Variants in SWT1 observed in about 807,000 individuals in gnomAD.
The protein encoded by SWT1 is transcriptional protein SWT1.
In SWT1, 33 loss-of-function variants were observed where a neutral mutation model predicts 107.3. That is an observed-to-expected ratio of 0.31 (90% confidence interval 0.23 to 0.41). The LOEUF (loss-of-function observed/expected upper bound fraction) is 0.41. Among genes scored for constraint, SWT1 ranks in the 10% least tolerant of loss-of-function variants. The pLI is 1.00. For synonymous variants in SWT1, 345 were observed against 348.3 expected, an observed-to-expected ratio of 0.99 and a Z score of 0.11; for missense variants, 898 against 1,028.9, an observed-to-expected ratio of 0.87 and a Z score of 1.74.
At chr1:185,196,382 A>G (rs1398521212) in intron 10 of SWT1, among the ~76,000 whole-genome samples, 5 of 152,040 alleles carry the variant, frequency 3.3e-5, no homozygotes, top group Non-Finnish European at 7.4e-5. Context: ...TGTTTTTGTT[A>G]CTGTGGCCTT....
chr1:185,240,237 C>CA (rs1001775117), intron 16 of SWT1, among the ~76,000 whole-genome samples: 1 of 151,510 alleles, frequency 6.6e-6, no homozygotes, highest in Non-Finnish European at 1.5e-5. Flanking sequence ...TTTTAAAAAA[C>CA]AAAAAAAGGT....
chr1:185,268,568 A>G (rs556628403), intron 16 of SWT1, among the ~76,000 whole-genome samples: 102 of 152,144 alleles, frequency 6.7e-4, no homozygotes, highest in Non-Finnish European at 1.1e-3. Context: ...GTTGAATGAG[A>G]GAATAAAGGG....
chr1:185,192,129 G>A (rs1292927900), intron 10 of SWT1, among the ~76,000 whole-genome samples: 2 of 152,104 alleles, frequency 1.3e-5, no homozygotes, highest in African/African-American at 4.8e-5. Context: ...TATATACTAT[G>A]CATCATTCTA....
At chr1:185,176,054 C>A (rs564501008) in intron 5 of SWT1, among the ~76,000 whole-genome samples, 1 of 152,126 alleles carries the variant, frequency 6.6e-6, no homozygotes, top group Admixed American at 6.5e-5. Context: ...TTTTGGGAGG[C>A]CCAGGCAGGC....
intron 15 of SWT1, among the ~76,000 whole-genome samples, chr1:185,230,623 T>A (rs1167283441): frequency 1.3e-5 from 2 of 152,156 alleles, no homozygotes; most frequent in African/African-American, 4.8e-5. Flanking sequence ...AAGCACAACA[T>A]GTTTTGGATT....
At chr1:185,216,933 CAG>C (rs1265395430) in intron 14 of SWT1, among the ~76,000 whole-genome samples, 1 of 139,794 alleles carries the variant, frequency 7.2e-6, no homozygotes, top group Non-Finnish European at 1.5e-5. Context: ...GCCTGGGAGA[CAG>C]AGCAAGACTC....
chr1:185,163,713 G>T (rs1654351863), intron 2 of SWT1, among the ~76,000 whole-genome samples: 1 of 152,122 alleles, frequency 6.6e-6, no homozygotes, highest in Non-Finnish European at 1.5e-5. Context: ...GTTTTATTAT[G>T]AGATGATAGA....
chr1:185,204,858 A>T lies in SWT1; in HGVS notation c.1828A>T (p.Met610Leu). The T allele has an allele frequency of 6.4e-7, 1 of 1,563,904 alleles. No individual in the cohort carries two copies. The highest frequency in any genetic ancestry group is 2.4e-5 in the East Asian group (1 of 41,650). ...EMKIAFGNLW[M>L]EILYLKPPWT... ...GAAAATTGCTTTTGGAAACCTTTGG[A>T]TGGAGGTGATTAGTTGAACTCTATT... Residue 610 changes from methionine to leucine, a missense_variant, in exon 12 of 19, where the codon ATG becomes TTG. Around this residue, in one of 6 missense-constraint regions of SWT1, gnomAD observed 382 missense variants for 460.0 expected, o/e 0.83. Transcript: ENST00000367500.
At position 185,183,028 on chromosome 1, in the gene SWT1, T is replaced by G. The variant is rs189483591; in HGVS notation, c.1138+971T>G. 3.3e-3 allele frequency among the ~76,000 whole-genome samples: 502 copies of G among 151,426 alleles called. 4 individuals are homozygous for G. Among genetic ancestry groups the G allele is most frequent in the African/African-American group, 0.012 (479 of 41,262 alleles). On this transcript the variant is annotated intron_variant, in intron 7 of 18. Coordinates refer to ENST00000367500, the MANE Select transcript of SWT1 (RefSeq NM_017673.7). ...GGCCCATGCCTGTATTCCCAGCTAC[T>G]CAGGAGGCTGAGGCAGGAGAATGGC...
At chr1:185,203,315 T>A (rs867090044) in intron 11 of SWT1, among the ~76,000 whole-genome samples, 1 of 152,140 alleles carries the variant, frequency 6.6e-6, no homozygotes, top group South Asian at 2.1e-4. Flanking sequence ...TTTTTAAAAA[T>A]TTTAAACTAA....
At chr1:185,270,221 A>G (rs1663754997) in intron 16 of SWT1, among the ~76,000 whole-genome samples, 1 of 151,944 alleles carries the variant, frequency 6.6e-6, no homozygotes, top group Non-Finnish European at 1.5e-5. Flanking sequence ...CAAAACTCAC[A>G]CAGTTGAGGC....
At chr1:185,247,498 A>G (rs945273400) in intron 16 of SWT1, among the ~76,000 whole-genome samples, 3 of 152,218 alleles carry the variant, frequency 2.0e-5, no homozygotes, top group Admixed American at 1.3e-4. Context: ...TTGTTTAGAA[A>G]AAAAGTTGTT....
chr1:185,243,833 T>C (rs16823862), intron 16 of SWT1, among the ~76,000 whole-genome samples: 8,663 of 152,020 alleles, frequency 0.057, 594 homozygotes, highest in African/African-American at 0.16. Flanking sequence ...GCTATATATT[T>C]TCTCCAGCCA....
chr1:185,183,607 T>C (rs1001099943), intron 7 of SWT1, among the ~76,000 whole-genome samples: 5 of 152,174 alleles, frequency 3.3e-5, no homozygotes, highest in Admixed American at 2.0e-4. Context: ...CACATATTCA[T>C]CTTTCAATTA....
chr1:185,263,585 T>C (rs1663179252), intron 16 of SWT1: 1 of 152,242 alleles, frequency 6.6e-6, no homozygotes, highest in Non-Finnish European at 1.5e-5. Context: ...TAAAATTTTT[T>C]GAAGGTGGTT....
chr1:185,245,699 A>G (rs973453708), intron 16 of SWT1, among the ~76,000 whole-genome samples: 2 of 152,146 alleles, frequency 1.3e-5, no homozygotes, highest in African/African-American at 2.4e-5. Flanking sequence ...TGCTAGTAGG[A>G]AGTTACTAAG....
intron 16 of SWT1, among the ~76,000 whole-genome samples, chr1:185,252,371 T>C (rs1001431068): frequency 2.0e-5 from 3 of 152,232 alleles, no homozygotes; most frequent in Non-Finnish European, 4.4e-5. Context: ...ACTTCCACAA[T>C]GGTTGAACTA....
Position 185,290,873 on chromosome 1 carries a change from A to T in SWT1, c.*70A>T, listed in dbSNP as rs113797962. ...TAACAGAGTAGTTTTCAATCTGGTC[A>T]CTCTTTTGGGCCAAACCCAAGAGAA... On this transcript the variant is annotated 3_prime_UTR_variant, in exon 19 of 19. Transcript: ENST00000367500. The T allele has an allele frequency of 5.1e-5, 71 of 1,389,260 alleles. No individual in the cohort carries two copies. Among genetic ancestry groups the T allele is most frequent in the Middle Eastern group, 2.1e-4 (1 of 4,662 alleles). The allele number at this position is 1,389,260 out of a possible 1,614,324, so 86.1% of individuals were successfully genotyped here. A position where few individuals can be genotyped will look rare whatever the true frequency, so the allele number is the denominator to read the frequency against.
At chr1:185,241,680 T>C (rs2102610087) in intron 16 of SWT1, among the ~76,000 whole-genome samples, 1 of 152,240 alleles carries the variant, frequency 6.6e-6, no homozygotes, top group East Asian at 1.9e-4. Flanking sequence ...TGACACATAG[T>C]AGATGGTCAG....
Sources: allele counts gnomAD v4.1 joint callset (sites outside exome capture counted in the v4.1 genomes callset), GRCh38; gene constraint gnomAD v4.1.1; regional missense constraint gnomAD v4.1.1; transcripts MANE v1.5; gene names NCBI Gene and HGNC (gene_info 2026-07-23, HGNC 2026-07-21).